Variants in CNBD1 observed in about 807,000 individuals in gnomAD.
CNBD1 encodes cyclic nucleotide-binding domain-containing protein 1.
In CNBD1, 71 loss-of-function variants were observed where a neutral mutation model predicts 54.4. The ratio of observed to expected loss-of-function variants is 1.30; its 90% CI spans 1.08 to 1.59. The LOEUF is 1.59. Ranked by LOEUF, CNBD1 falls within the 40% of genes most tolerant of loss-of-function variation. CNBD1 has a pLI of 0.00. For missense variants in CNBD1, 659 were observed against 518.0 expected, an observed-to-expected ratio of 1.27 and a Z score of -2.64; for synonymous variants, 182 against 170.7, an observed-to-expected ratio of 1.07 and a Z score of -0.51.
chr8:86,992,135 G>T (rs1586184906), intron 4 of CNBD1, among the ~76,000 whole-genome samples: 1 of 152,052 alleles, frequency 6.6e-6, no homozygotes, highest in African/African-American at 2.4e-5. Flanking sequence ...TTATTGTGTA[G>T]CTGTCTAAGT....
intron 3 of CNBD1, among the ~76,000 whole-genome samples, chr8:86,933,020 C>G (rs1295590176): frequency 1.3e-5 from 2 of 152,028 alleles, no homozygotes; most frequent in Non-Finnish European, 2.9e-5. Context: ...TGCCTTTCCT[C>G]TTAGACCACA....
At chr8:87,055,118 G>A (rs1354522510) in intron 4 of CNBD1, among the ~76,000 whole-genome samples, 4 of 152,204 alleles carry the variant, frequency 2.6e-5, no homozygotes, top group Admixed American at 2.6e-4. Context: ...TGTTATTCAA[G>A]CTTGTGGTCT....
chr8:87,138,127 G>GT (rs1354750708), intron 4 of CNBD1, among the ~76,000 whole-genome samples: 1 of 152,104 alleles, frequency 6.6e-6, no homozygotes, highest in Non-Finnish European at 1.5e-5. Flanking sequence ...CAAAAGTCCT[G>GT]TTTTTCTTGG....
chr8:87,358,301 G>A (rs1177482174), intron 10 of CNBD1, among the ~76,000 whole-genome samples: 1 of 152,052 alleles, frequency 6.6e-6, no homozygotes, highest in Non-Finnish European at 1.5e-5. Flanking sequence ...AATTTTAAAA[G>A]TTGTAAATCT....
chr8:87,230,352 C>T (rs1158074096), intron 5 of CNBD1, among the ~76,000 whole-genome samples: 1 of 152,070 alleles, frequency 6.6e-6, no homozygotes, highest in Non-Finnish European at 1.5e-5. Flanking sequence ...TTTTAATTCC[C>T]ATTGAGGTTG....
At chr8:86,887,210 C>A (rs1368749989) in intron 1 of CNBD1, among the ~76,000 whole-genome samples, 1 of 152,096 alleles carries the variant, frequency 6.6e-6, no homozygotes, top group Non-Finnish European at 1.5e-5. Flanking sequence ...GTTCTGGAAC[C>A]AGTTCATCTT....
downstream of CNBD1, among the ~76,000 whole-genome samples, chr8:87,387,439 A>C (rs1811212272): frequency 6.6e-6 from 1 of 152,192 alleles, no homozygotes; most frequent in Non-Finnish European, 1.5e-5. Context: ...AAACAAAAAA[A>C]GGCAGGGGTT....
At chr8:87,109,416 A>C in intron 4 of CNBD1, among the ~76,000 whole-genome samples, 1 of 152,074 alleles carries the variant, frequency 6.6e-6, no homozygotes, top group East Asian at 1.9e-4. Flanking sequence ...TTAATACCTG[A>C]TGGCATAAAA....
chr8:86,872,287 CT>C (rs1270136769), intron 1 of CNBD1, among the ~76,000 whole-genome samples: 2 of 152,100 alleles, frequency 1.3e-5, no homozygotes, highest in African/African-American at 4.8e-5. Context: ...CATTTCAGTT[CT>C]TCAGAGTTTT....
chr8:87,162,700 A>G (rs944778248), intron 4 of CNBD1, among the ~76,000 whole-genome samples: 4 of 152,102 alleles, frequency 2.6e-5, no homozygotes, highest in Non-Finnish European at 5.9e-5. Context: ...TGAAGGCCTG[A>G]TCTCTCTGCT....
chr8:87,402,382 A>T (rs1270703583), intron 2 of CNBD1, among the ~76,000 whole-genome samples: 1 of 152,094 alleles, frequency 6.6e-6, no homozygotes. Flanking sequence ...AAAGAGCAGT[A>T]GTGAGCAATC....
intron 5 of CNBD1, among the ~76,000 whole-genome samples, chr8:87,207,941 A>G (rs1814012496): frequency 6.6e-6 from 1 of 152,212 alleles, no homozygotes; most frequent in South Asian, 2.1e-4. Context: ...TTTCACTACC[A>G]AAGAAGTCAA....
intron 2 of CNBD1, among the ~76,000 whole-genome samples, chr8:87,420,211 T>C (rs1320710049): frequency 1.3e-5 from 2 of 151,976 alleles, no homozygotes; most frequent in Non-Finnish European, 2.9e-5. Context: ...TCTATCACTA[T>C]CACTGAGGTT....
At chr8:87,418,554 A>G (rs1807874142) in intron 2 of CNBD1, among the ~76,000 whole-genome samples, 2 of 151,988 alleles carry the variant, frequency 1.3e-5, no homozygotes, top group Non-Finnish European at 2.9e-5. Flanking sequence ...AAAGGACACT[A>G]TCAAGAAAGT....
chr8:87,299,322 T>C (rs779635132), intron 8 of CNBD1, among the ~76,000 whole-genome samples: 32 of 152,168 alleles, frequency 2.1e-4, no homozygotes, highest in Non-Finnish European at 3.2e-4. Context: ...CCCGACGGTC[T>C]TGTTTAGATC....
At chr8:86,922,900 G>A (rs1291244592) in intron 3 of CNBD1, among the ~76,000 whole-genome samples, 1 of 152,106 alleles carries the variant, frequency 6.6e-6, no homozygotes, top group Non-Finnish European at 1.5e-5. Flanking sequence ...GCCAGGAAAT[G>A]ATTGAAGAAA....
intron 5 of CNBD1, among the ~76,000 whole-genome samples, chr8:87,235,720 G>A (rs1807572374): frequency 6.6e-6 from 1 of 152,156 alleles, no homozygotes; most frequent in Non-Finnish European, 1.5e-5. Flanking sequence ...TTACCAAAAT[G>A]TGACACAGAA....
chr8:86,883,162 G>T (rs1258084436), intron 1 of CNBD1, among the ~76,000 whole-genome samples: 1 of 148,394 alleles, frequency 6.7e-6, no homozygotes, highest in Non-Finnish European at 1.5e-5. Context: ...CAACCTGCAT[G>T]TTCCCTGGAA....
At chr8:87,299,307 C>A (rs2130880719) in intron 8 of CNBD1, among the ~76,000 whole-genome samples, 1 of 152,278 alleles carries the variant, frequency 6.6e-6, no homozygotes, top group Non-Finnish European at 1.5e-5. Flanking sequence ...CCATGCTTCT[C>A]TAGTCCCGAC....
Sources: allele counts gnomAD v4.1 joint callset (sites outside exome capture counted in the v4.1 genomes callset), GRCh38; gene constraint gnomAD v4.1.1; transcripts MANE v1.5; gene names NCBI Gene and HGNC (gene_info 2026-07-23, HGNC 2026-07-21).